The following GRM6 variants were observed in gnomAD, a reference collection of about 807,000 sequenced individuals.
The protein encoded by GRM6 is metabotropic glutamate receptor 6.
A neutral mutation model predicts 78.4 loss-of-function variants in GRM6; 73 were observed. The ratio of observed to expected loss-of-function variants is 0.93; its 90% CI spans 0.77 to 1.13. The LOEUF (loss-of-function observed/expected upper bound fraction) is 1.13, where lower values mean the gene tolerates loss of function less well. Among genes scored for constraint, GRM6 ranks in the 50% most tolerant of loss-of-function variants. The pLI is 0.00. For synonymous variants in GRM6, 580 were observed against 555.0 expected (o/e 1.05, Z -0.63); for missense variants, 1,251 against 1,256.4 (o/e 1.00, Z 0.07).
rs577733121 is a variant in GRM6, at chr5:178,985,660, G to A, written c.2124+470C>T. 282 of 388,762 alleles carry A rather than the reference G, an allele frequency of 7.3e-4. 3 individuals carry two copies. Among genetic ancestry groups the A allele is most frequent in the South Asian group, 4.1e-3 (215 of 52,988 alleles). 24.1% of individuals were successfully genotyped at this position (388,762 alleles called of 1,614,324 possible). ...AGAGCTTGCAGGGAGCTGAGATAGT[G>A]CCACTGCACTCCAGCCTGGGCGACA... On this transcript the variant is annotated intron_variant, in intron 9 of 10. Transcript: ENST00000517717.
Position 178,981,423 on chromosome 5 carries a change from C to T in GRM6, c.*234G>A. On this transcript the variant is annotated 3_prime_UTR_variant, in exon 11 of 11. Coordinates refer to ENST00000517717, the MANE Select transcript of GRM6 (RefSeq NM_000843.4). The surrounding 1 kb of genome is among the most constrained non-coding windows in gnomAD (Gnocchi z 5.1). ...TAGAACCTTCTCGGTGGCTGTTTCC[C>T]ACCATGGGAAGCGAGTCTGGTCTGT... 48 of 479,450 alleles carry T rather than the reference C, an allele frequency of 1.0e-4. No homozygotes were observed. The highest frequency in any genetic ancestry group is 5.5e-4 in the Middle Eastern group (1 of 1,826). The allele number at this position is 479,450 out of a possible 1,614,324, so 29.7% of individuals were successfully genotyped here.
Position 178,988,874 on chromosome 5 carries a change from A to T in GRM6, c.1354+61T>A. On this transcript the variant is annotated intron_variant, in intron 7 of 10. Transcript: ENST00000517717. This position sits in a 1 kb window ranked among gnomAD's most constrained non-coding sequence, Gnocchi z 6.0. The stretch of plus-strand genomic sequence containing the variant: ...CCACCCTGAGGTTGTCCCAGGCCTC[A>T]CAGCAAAATCCAGCCCCCCAGCTGT... 1 of 1,419,290 alleles carries T rather than the reference A, an allele frequency of 7.0e-7. No homozygotes were observed. Among genetic ancestry groups the T allele is most frequent in the Non-Finnish European group, 9.9e-7 (1 of 1,014,414 alleles). The allele number at this position is 1,419,290 out of a possible 1,614,324, so 87.9% of individuals were successfully genotyped here.
Position 178,981,259 on chromosome 5 carries a change from G to A in GRM6, c.*398C>T, listed in dbSNP as rs551218264. On this transcript the variant is annotated 3_prime_UTR_variant, in exon 11 of 11. Coordinates refer to ENST00000517717, the MANE Select transcript of GRM6 (RefSeq NM_000843.4). This position sits in a 1 kb window ranked among gnomAD's most constrained non-coding sequence, Gnocchi z 5.1. ...CCATGTTTCATTCTGGGGTCTACACGTTCTTCCACACTGCCCAATCCCCAG... is the reference window on the plus strand; with the variant it reads ...CCATGTTTCATTCTGGGGTCTACACATTCTTCCACACTGCCCAATCCCCAG... 5 of 225,370 alleles carry A rather than the reference G, an allele frequency of 2.2e-5. No individual in the cohort carries two copies. The South Asian group carries it at 3.0e-4, about 14-fold the overall frequency. 14.0% of individuals were successfully genotyped at this position (225,370 alleles called of 1,614,324 possible).
At position 178,979,581 on chromosome 5, in the gene GRM6, C is replaced by T. The variant is rs1376110263; in HGVS notation, c.*2076G>A. ...GAAAGTCGTCTGCGGGAAGCCAGGACTCTATGCCAGAAACTTCACACTGGG... is the reference window on the plus strand; with the variant it reads ...GAAAGTCGTCTGCGGGAAGCCAGGATTCTATGCCAGAAACTTCACACTGGG... On this transcript the variant is annotated 3_prime_UTR_variant, in exon 11 of 11. Transcript: ENST00000517717. 6.6e-6 allele frequency: 1 copy of T among 152,234 alleles called. No homozygotes were observed. The highest frequency in any genetic ancestry group is 2.4e-5 in the African/African-American group (1 of 41,452). 9.4% of individuals were successfully genotyped at this position (152,234 alleles called of 1,614,324 possible).
Position 178,989,235 on chromosome 5 carries a change from C to A in GRM6, c.1153+30G>T, listed in dbSNP as rs13162541. ...CACCCTCACCACCCTCCCCACCCTC[C>A]CCACCCTCACCACCCTGGGCAGCTC... On this transcript the variant is annotated intron_variant, in intron 6 of 10. Coordinates refer to ENST00000517717, the MANE Select transcript of GRM6 (RefSeq NM_000843.4). 569 of 1,435,462 alleles carry A rather than the reference C, an allele frequency of 4.0e-4. 1 individual carries two copies. The African/African-American group carries it at 5.6e-3, about 14-fold the overall frequency. 88.9% of individuals were successfully genotyped at this position (1,435,462 alleles called of 1,614,324 possible). A position where few individuals can be genotyped will look rare whatever the true frequency, so the allele number is the denominator to read the frequency against.
chr5:178,991,793 C>A lies in GRM6; in HGVS notation c.721+74G>T. ...GCATGGACCTGGGCCCCCCATCTTT[C>A]TGCTTCTGCCCCAACTGAGGGCCCC... On this transcript the variant is annotated intron_variant, in intron 3 of 10. Coordinates refer to ENST00000517717, the MANE Select transcript of GRM6 (RefSeq NM_000843.4). The surrounding 1 kb of genome is among the most constrained non-coding windows in gnomAD (Gnocchi z 5.0). 1.5e-6 allele frequency: 2 copies of A among 1,343,388 alleles called. No individual in the cohort carries two copies. The highest frequency in any genetic ancestry group is 2.1e-6 in the Non-Finnish European group (2 of 945,246). The allele number at this position is 1,343,388 out of a possible 1,614,324, so 83.2% of individuals were successfully genotyped here.
intron 9 of GRM6, chr5:178,985,407 A>C (rs1278544372): frequency 6.0e-6 from 2 of 335,968 alleles, no homozygotes; most frequent in East Asian, 8.8e-5. Context: ...GTGGCCTTAA[A>C]AAAAAAAAAA....
intron 2 of GRM6, among the ~76,000 whole-genome samples, chr5:178,993,463 G>A (rs1049946485): frequency 6.6e-6 from 1 of 152,214 alleles, no homozygotes; most frequent in Non-Finnish European, 1.5e-5. Context: ...AGGAAACAGG[G>A]ATGGGGGCTT....
chr5:178,989,474 G>A, intron 5 of GRM6, 69 bp from the exon 6 acceptor site: 1 of 1,599,412 alleles, frequency 6.3e-7, no homozygotes, highest in Non-Finnish European at 8.6e-7. Context: ...GTGTCTCTCT[G>A]CCACTTGCTC....
Position 178,986,251 on chromosome 5 carries a change from A to T in GRM6, c.2003T>A (p.Leu668Gln), listed in dbSNP as rs777168556. 9 of 1,614,030 alleles carry T rather than the reference A, an allele frequency of 5.6e-6. No homozygotes were observed. The highest frequency in any genetic ancestry group is 3.3e-5 in the Admixed American group (2 of 60,000). ...GLGTTLSYSA[L>Q]LTKTNRIYRI... is the part of the protein sequence containing the mutation. Reference sequence around the variant, plus strand: ...GTAGATACGGTTGGTCTTGGTGAGCAGGGCAGAGTAGCTGAGGGTCGTGCC... The same window carrying T: ...GTAGATACGGTTGGTCTTGGTGAGCTGGGCAGAGTAGCTGAGGGTCGTGCC... The change falls in exon 9 of 11, where the codon CTG becomes CAG. Residue 668 changes from leucine to glutamine, a missense_variant. Leu to Gln is a moderately radical substitution (Grantham distance 113). Coordinates refer to ENST00000517717, the MANE Select transcript of GRM6 (RefSeq NM_000843.4).
At position 178,988,789 on chromosome 5, in the gene GRM6, A is replaced by C; in HGVS notation, c.1354+146T>G. On this transcript the variant is annotated intron_variant, in intron 7 of 10. Transcript: ENST00000517717. This position sits in a 1 kb window ranked among gnomAD's most constrained non-coding sequence, Gnocchi z 6.0. Reference sequence around the variant, plus strand: ...AAAATTGGGGACCGGAACTTGTCTCATGTCTTTGGCACTCAGCCCCAGGCA... The same window carrying C: ...AAAATTGGGGACCGGAACTTGTCTCCTGTCTTTGGCACTCAGCCCCAGGCA... The C allele has an allele frequency of 1.5e-6, 1 of 666,718 alleles. No homozygotes were observed. Among genetic ancestry groups the C allele is most frequent in the Non-Finnish European group, 2.7e-6 (1 of 370,376 alleles). The allele number at this position is 666,718 out of a possible 1,614,324, so 41.3% of individuals were successfully genotyped here.
Position 178,983,224 on chromosome 5 carries a change from G to A in GRM6, c.2125-3C>T, listed in dbSNP as rs950356800. ...AGCCATGCTATCATCCCCACCACCT[G>A]CAGGAGCCAACACTGCATCAGACAC... On this transcript the variant is annotated splice_polypyrimidine_tract_variant and splice_region_variant and intron_variant, in intron 9 of 10. Transcript: ENST00000517717. 2 of 1,609,990 alleles carry A rather than the reference G, an allele frequency of 1.2e-6. No individual in the cohort carries two copies. Among genetic ancestry groups the A allele is most frequent in the Non-Finnish European group, 8.5e-7 (1 of 1,177,762 alleles).
Position 178,991,664 on chromosome 5 carries a change from G to C in GRM6, c.722-105C>G. On this transcript the variant is annotated intron_variant, in intron 3 of 10. Coordinates refer to ENST00000517717, the MANE Select transcript of GRM6 (RefSeq NM_000843.4). The surrounding 1 kb of genome is among the most constrained non-coding windows in gnomAD (Gnocchi z 5.0). Reference sequence around the variant, plus strand: ...TAGGCTGGCTGAAGGGTCTGCAGGGGTGAAGTCTGGCCTGCACCCTCCGCC... The same window carrying C: ...TAGGCTGGCTGAAGGGTCTGCAGGGCTGAAGTCTGGCCTGCACCCTCCGCC... 1 of 1,390,898 alleles carries C rather than the reference G, an allele frequency of 7.2e-7. No homozygotes were observed. Among genetic ancestry groups the C allele is most frequent in the Non-Finnish European group, 1.0e-6 (1 of 981,478 alleles). 86.2% of individuals were successfully genotyped at this position (1,390,898 alleles called of 1,614,324 possible).
rs199756220 is a variant in GRM6 at position 178,982,706 on chromosome 5, A to G, written c.2436+204T>C. On this transcript the variant is annotated intron_variant, in intron 10 of 10. Transcript: ENST00000517717. ...AATGAAAATGATAAAAAAAAAAAAG[A>G]AAAAAAGAAGAGTGGAAGTTAAGAA... 26 of 530,454 alleles carry G rather than the reference A, an allele frequency of 4.9e-5. No individual in the cohort carries two copies. In the Admixed American group the frequency reaches 6.7e-4, roughly 14 times the overall value. 32.9% of individuals were successfully genotyped at this position (530,454 alleles called of 1,614,324 possible). A position where few individuals can be genotyped will look rare whatever the true frequency, so the allele number is the denominator to read the frequency against.
intron 9 of GRM6, 88 bp downstream of exon 9, chr5:178,986,042 G>A (rs562465389): frequency 6.9e-5 from 85 of 1,232,376 alleles, no homozygotes; most frequent in Middle Eastern, 2.8e-4. Context: ...GACTACAGGC[G>A]TGTGCCACTG....
At chr5:178,983,352 T>A in intron 9 of GRM6, 131 bp from the exon 10 acceptor site, 3 of 820,220 alleles carry the variant, frequency 3.7e-6, no homozygotes, top group Non-Finnish European at 6.1e-6. Context: ...CACCTCTTCG[T>A]GGTGGCTCTC....
chr5:178,990,843 T>A (rs1355599881), intron 4 of GRM6, 97 bp from the exon 5 acceptor site: 4 of 1,004,676 alleles, frequency 4.0e-6, no homozygotes, highest in Non-Finnish European at 4.4e-6. Flanking sequence ...TGCTCTATAA[T>A]CACTCACCAG....
intron 2 of GRM6, 63 bp downstream of exon 2, chr5:178,994,378 G>A: frequency 7.2e-7 from 1 of 1,385,414 alleles, no homozygotes; most frequent in Non-Finnish European, 9.5e-7. Context: ...GGAGACTTGG[G>A]CCACCCCAGG....
Position 178,991,366 on chromosome 5 carries a change from G to A in GRM6, c.857+58C>T, listed in dbSNP as rs1760668139. The A allele has an allele frequency of 1.3e-6, 2 of 1,523,550 alleles. No homozygotes were observed. Among genetic ancestry groups the A allele is most frequent in the East Asian group, 2.3e-5 (1 of 44,412 alleles). The allele number at this position is 1,523,550 out of a possible 1,614,324, so 94.4% of individuals were successfully genotyped here. A position where few individuals can be genotyped will look rare whatever the true frequency, so the allele number is the denominator to read the frequency against. ...TGTGTAAGGTGGCGATGTGCAAGAG[G>A]AGGGGTGGGACCCTCAGGGAGAGCC... On this transcript the variant is annotated intron_variant, in intron 4 of 10. Coordinates refer to ENST00000517717, the MANE Select transcript of GRM6 (RefSeq NM_000843.4). This position sits in a 1 kb window ranked among gnomAD's most constrained non-coding sequence, Gnocchi z 5.0.
Sources: allele counts gnomAD v4.1 joint callset (sites outside exome capture counted in the v4.1 genomes callset), GRCh38; gene constraint gnomAD v4.1.1; non-coding constraint Gnocchi (gnomAD v3.1); transcripts MANE v1.5; gene names NCBI Gene and HGNC (gene_info 2026-07-23, HGNC 2026-07-21).